ZNF384: variants seen among roughly 807,000 people sequenced by gnomAD.
ZNF384 encodes the protein CAG repeat protein 1.
In ZNF384, 20 loss-of-function variants were observed where a neutral mutation model predicts 65.0. That is an observed-to-expected ratio of 0.31 (90% CI 0.22 to 0.45). ZNF384 has a LOEUF of 0.45. Ranked by LOEUF, ZNF384 falls within the 20% of genes least tolerant of loss-of-function variation. The probability of loss-of-function intolerance (pLI) is 1.00; values close to 1 mark genes in which losing one functional copy is unlikely to be tolerated. For synonymous variants in ZNF384, 310 were observed against 303.9 expected (o/e 1.02, Z -0.21); for missense variants, 549 against 769.4 (o/e 0.71, Z 3.39).
intron 1 of ZNF384, chr12:6,688,700 T>A (rs976409460): frequency 6.5e-6 from 1 of 152,702 alleles, no homozygotes; most frequent in African/African-American, 2.4e-5. Flanking sequence ...GCCCCCTGCC[T>A]ACCCGAGGCC....
chr12:6,674,731 A>C (rs1485037733), intron 7 of ZNF384, among the ~76,000 whole-genome samples: 1 of 152,230 alleles, frequency 6.6e-6, no homozygotes, highest in Non-Finnish European at 1.5e-5. Context: ...TTGCTCATTA[A>C]CAGACCTCAA....
chr12:6,678,327 A>C lies in ZNF384; in HGVS notation c.486T>G (p.Pro162=), dbSNP rs1954535701. The change falls in exon 6 of 12, where the codon CCT becomes CCG. Residue 162 remains proline (P), a synonymous_variant. Coordinates refer to ENST00000683879, the MANE Select transcript of ZNF384 (RefSeq NM_001385745.1). This position sits in a 1 kb window ranked among gnomAD's most constrained non-coding sequence, Gnocchi z 4.9. ...TCGATGCTACCTTCTTGGAGAGGTCAGGGACAACCTGCAGGGCTTGTGAGC... is the reference window on the plus strand; with the variant it reads ...TCGATGCTACCTTCTTGGAGAGGTCCGGGACAACCTGCAGGGCTTGTGAGC... ...PPGSQALQVV[P]DLSKKVASTL... is the part of the protein sequence containing the mutation. 1 of 1,613,986 alleles carries C rather than the reference A, an allele frequency of 6.2e-7. No individual in the cohort carries two copies. Among genetic ancestry groups the C allele is most frequent in the Non-Finnish European group, 8.5e-7 (1 of 1,180,008 alleles).
At chr12:6,681,014 C>T (rs981965476) in intron 2 of ZNF384, among the ~76,000 whole-genome samples, 5 of 151,996 alleles carry the variant, frequency 3.3e-5, no homozygotes, top group African/African-American at 4.8e-5. Context: ...GTCAGGAGCT[C>T]GAGACCAGCC....
chr12:6,678,122 C>T lies in ZNF384; in HGVS notation c.686+5G>A, dbSNP rs1251859234. ...CCCCATCCTGCCCCTGGCTCTGAGT[C>T]TTACCTGTAGGTCTTGCCGTCTTTC... On this transcript the variant is annotated splice_donor_5th_base_variant and intron_variant, in intron 6 of 11. Coordinates refer to ENST00000683879, the MANE Select transcript of ZNF384 (RefSeq NM_001385745.1). This position sits in a 1 kb window ranked among gnomAD's most constrained non-coding sequence, Gnocchi z 4.9. The T allele has an allele frequency of 1.9e-5, 30 of 1,607,062 alleles. No homozygotes were observed. Among genetic ancestry groups the T allele is most frequent in the Non-Finnish European group, 2.5e-5 (29 of 1,175,106 alleles).
rs994423050 is a variant in ZNF384 at position 6,678,843 on chromosome 12, A to C, written c.304+103T>G. 1 of 1,472,546 alleles carries C rather than the reference A, an allele frequency of 6.8e-7. No individual in the cohort carries two copies. 91.2% of individuals were successfully genotyped at this position (1,472,546 alleles called of 1,614,324 possible). ...CACTTAATAAAAATTTGATTGAATA[A>C]TCAAACACATATCCCACTCCCCATG... is the stretch of plus-strand genomic sequence containing the variant. On this transcript the variant is annotated intron_variant, in intron 4 of 11. Transcript: ENST00000683879. The surrounding 1 kb of genome is among the most constrained non-coding windows in gnomAD (Gnocchi z 4.9).
intron 3 of ZNF384, 94 bp downstream of exon 3, chr12:6,679,360 GA>G (rs1954997770): frequency 9.1e-6 from 12 of 1,313,850 alleles, no homozygotes; most frequent in Non-Finnish European, 1.1e-6. Flanking sequence ...AGGGGTGGGG[GA>G]CCCAGTAAAA....
intron 10 of ZNF384, among the ~76,000 whole-genome samples, chr12:6,669,957 C>G (rs1950900531): frequency 6.6e-6 from 1 of 152,130 alleles, no homozygotes; most frequent in Non-Finnish European, 1.5e-5. Context: ...CACACACACA[C>G]ACACAAACAC....
Position 6,679,447 on chromosome 12 carries a change from C to A in ZNF384, c.66+8G>T. On this transcript the variant is annotated splice_region_variant and intron_variant, in intron 3 of 11. Transcript: ENST00000683879. Reference sequence around the variant, plus strand: ...ACTTGGAGAGAGCAAGAAAGCAACACCACTTACCTGACCTGAGACTGTGGG... The same window carrying A: ...ACTTGGAGAGAGCAAGAAAGCAACAACACTTACCTGACCTGAGACTGTGGG... 1 of 1,613,620 alleles carries A rather than the reference C, an allele frequency of 6.2e-7. No homozygotes were observed. Among genetic ancestry groups the A allele is most frequent in the Non-Finnish European group, 8.5e-7 (1 of 1,179,522 alleles).
chr12:6,669,928 GCACACGCGCGCGCGCA>G (rs1288476974), intron 10 of ZNF384, among the ~76,000 whole-genome samples: 3 of 150,242 alleles, frequency 2.0e-5, no homozygotes, highest in Admixed American at 6.7e-5. Context: ...TCTCAAACAC[GCACACGCGCGCGCGCA>G]CACACACACA....
chr12:6,670,696 C>G (rs772134911), intron 10 of ZNF384, 64 bp downstream of exon 10: 1 of 1,479,436 alleles, frequency 6.8e-7, no homozygotes, highest in Non-Finnish European at 9.4e-7. Flanking sequence ...TTGAGAACCA[C>G]GATACTATTC....
intron 9 of ZNF384, among the ~76,000 whole-genome samples, chr12:6,671,264 A>G (rs755835120): frequency 6.6e-6 from 1 of 152,240 alleles, no homozygotes; most frequent in African/African-American, 2.4e-5. Context: ...TCACTTCCAG[A>G]GAATGTTATG....
rs1953961233 is a variant in ZNF384, at chr12:6,677,154, G to C, written c.779+13C>G. On this transcript the variant is annotated intron_variant, in intron 7 of 11. Coordinates refer to ENST00000683879, the MANE Select transcript of ZNF384 (RefSeq NM_001385745.1). ...TGAGGAAACTGAGGCCCAGAGAGGG[G>C]AAAAGGACTTGCCCAGGGTCACACA... 1 of 807,438 alleles carries C rather than the reference G, an allele frequency of 1.2e-6. No individual in the cohort carries two copies. Among genetic ancestry groups the C allele is most frequent in the Non-Finnish European group, 1.8e-6 (1 of 545,248 alleles). The allele number at this position is 807,438 out of a possible 1,614,324, so 50.0% of individuals were successfully genotyped here. A position where few individuals can be genotyped will look rare whatever the true frequency, so the allele number is the denominator to read the frequency against.
intron 2 of ZNF384, among the ~76,000 whole-genome samples, chr12:6,685,465 TTC>T (rs1957567448): frequency 6.6e-6 from 1 of 151,678 alleles, no homozygotes; most frequent in African/African-American, 2.4e-5. Context: ...GCCTCAACTG[TTC>T]TGTTAATAGG....
rs1352609391 is a variant in ZNF384, at chr12:6,673,161, A to G, written c.1004+55T>C. 2 of 1,528,602 alleles carry G rather than the reference A, an allele frequency of 1.3e-6. No individual in the cohort carries two copies. The highest frequency in any genetic ancestry group is 3.6e-5 in the Admixed American group (2 of 55,578). The allele number at this position is 1,528,602 out of a possible 1,614,324, so 94.7% of individuals were successfully genotyped here. A position where few individuals can be genotyped will look rare whatever the true frequency, so the allele number is the denominator to read the frequency against. On this transcript the variant is annotated intron_variant, in intron 8 of 11. Transcript: ENST00000683879. This position sits in a 1 kb window ranked among gnomAD's most constrained non-coding sequence, Gnocchi z 4.7. ...TGTGGAGAGAGGAGTAGGTGCAGGC[A>G]ACATGGTCTTAGGGTTCACGGCCAG...
At position 6,672,590 on chromosome 12, in the gene ZNF384, C is replaced by A; in HGVS notation, c.1005-58G>T. On this transcript the variant is annotated intron_variant, in intron 8 of 11. Transcript: ENST00000683879. The surrounding 1 kb of genome is among the most constrained non-coding windows in gnomAD (Gnocchi z 4.4). ...AGGAAGCAGTTCGACACCAGGGGCTCAGCTCTCTGCTGGGTGAAATGACGT... is the reference window on the plus strand; with the variant it reads ...AGGAAGCAGTTCGACACCAGGGGCTAAGCTCTCTGCTGGGTGAAATGACGT... 1 of 1,539,446 alleles carries A rather than the reference C, an allele frequency of 6.5e-7. No individual in the cohort carries two copies. Among genetic ancestry groups the A allele is most frequent in the Non-Finnish European group, 8.9e-7 (1 of 1,124,368 alleles).
intron 2 of ZNF384, 44 bp from the exon 3 acceptor site, chr12:6,679,569 A>C: frequency 6.6e-7 from 1 of 1,515,832 alleles, no homozygotes; most frequent in Non-Finnish European, 9.1e-7. Flanking sequence ...GGAATTACTC[A>C]GAAAAAGCTA....
In ZNF384 at chr12:6,678,858, C is replaced by T; in HGVS notation, c.304+88G>A. 1 of 1,479,236 alleles carries T rather than the reference C, an allele frequency of 6.8e-7. No homozygotes were observed. The highest frequency in any genetic ancestry group is 9.4e-7 in the Non-Finnish European group (1 of 1,065,830). The allele number at this position is 1,479,236 out of a possible 1,614,324, so 91.6% of individuals were successfully genotyped here. ...TGATTGAATAATCAAACACATATCC[C>T]ACTCCCCATGTCCTTGGAGCCCTCC... On this transcript the variant is annotated intron_variant, in intron 4 of 11. Coordinates refer to ENST00000683879, the MANE Select transcript of ZNF384 (RefSeq NM_001385745.1). This position sits in a 1 kb window ranked among gnomAD's most constrained non-coding sequence, Gnocchi z 4.9.
intron 2 of ZNF384, among the ~76,000 whole-genome samples, chr12:6,683,234 C>A (rs1276717084): frequency 6.7e-6 from 1 of 150,336 alleles, no homozygotes; most frequent in African/African-American, 2.5e-5. Flanking sequence ...GAGGTTGCAG[C>A]GAGCCGAGAT....
rs552804008 is a variant in ZNF384, at chr12:6,681,600, C to A, written c.-5-2075G>T. On this transcript the variant is annotated intron_variant, in intron 2 of 11. Transcript: ENST00000683879. ...TACACTGGAGGCAAACACTAAGATACTGAGAGCTAAAGGGTAGGCTGGGCA... is the reference window on the plus strand; with the variant it reads ...TACACTGGAGGCAAACACTAAGATAATGAGAGCTAAAGGGTAGGCTGGGCA... Among the ~76,000 whole-genome samples, 15 of 152,260 alleles carry A rather than the reference C, an allele frequency of 9.9e-5. No homozygotes were observed. In the South Asian group the frequency reaches 3.1e-3, roughly 32 times the overall value.
Sources: allele counts gnomAD v4.1 joint callset (sites outside exome capture counted in the v4.1 genomes callset), GRCh38; gene constraint gnomAD v4.1.1; non-coding constraint Gnocchi (gnomAD v3.1); transcripts MANE v1.5; gene names NCBI Gene and HGNC (gene_info 2026-07-23, HGNC 2026-07-21).